Variants in PRDM16 observed in about 807,000 individuals in gnomAD.
The protein encoded by PRDM16 is PR/SET domain 16.
In PRDM16, 23 loss-of-function variants were observed where a neutral mutation model predicts 110.6. The ratio of observed to expected loss-of-function variants is 0.21; its 90% CI spans 0.15 to 0.29. The LOEUF is 0.29. Among genes scored for constraint, PRDM16 ranks in the 10% least tolerant of loss-of-function variants. The pLI is 1.00. For synonymous variants in PRDM16, 799 were observed against 781.8 expected, an observed-to-expected ratio of 1.02 and a Z score of -0.37; for missense variants, 1,615 against 1,794.3, an observed-to-expected ratio of 0.90 and a Z score of 1.81.
At chr1:3,133,423 A>G (rs1174030310) in intron 1 of PRDM16, 1 of 152,462 alleles carries the variant, frequency 6.6e-6, no homozygotes, top group Non-Finnish European at 1.5e-5. Flanking sequence ...CGGCCTCCCG[A>G]AGCCACAGCC....
At chr1:3,409,183 G>A (rs1426273504) in intron 8 of PRDM16, among the ~76,000 whole-genome samples, 1 of 151,400 alleles carries the variant, frequency 6.6e-6, no homozygotes, top group Non-Finnish European at 1.5e-5. Context: ...GTGAGTTGGT[G>A]CGTGTGTGTG....
intron 2 of PRDM16, among the ~76,000 whole-genome samples, chr1:3,238,705 T>C (rs1205640782): frequency 6.6e-6 from 1 of 152,160 alleles, no homozygotes; most frequent in African/African-American, 2.4e-5. Flanking sequence ...CGGAGGGAGC[T>C]TGGCCGTGGA....
At chr1:3,188,571 A>T (rs1343181829) in intron 2 of PRDM16, among the ~76,000 whole-genome samples, 1 of 152,134 alleles carries the variant, frequency 6.6e-6, no homozygotes, top group Non-Finnish European at 1.5e-5. Flanking sequence ...CACCTGACAG[A>T]TACCCCTCCT....
intron 2 of PRDM16, among the ~76,000 whole-genome samples, chr1:3,219,469 C>T (rs538975397): frequency 3.9e-5 from 6 of 152,146 alleles, no homozygotes; most frequent in Admixed American, 2.0e-4. Flanking sequence ...GGAGCTGGGG[C>T]GGGGGAAGGG....
chr1:3,367,482 A>G (rs866998109), intron 3 of PRDM16, among the ~76,000 whole-genome samples: 65 of 152,206 alleles, frequency 4.3e-4, no homozygotes, highest in South Asian at 4.1e-4. Context: ...CCTAGATGCT[A>G]CCTTTCAGCT....
chr1:3,167,006 C>T (rs1253348380), intron 1 of PRDM16, among the ~76,000 whole-genome samples: 5 of 152,216 alleles, frequency 3.3e-5, no homozygotes, highest in African/African-American at 1.2e-4. Context: ...GCTGAACACG[C>T]ACCCTCCAAC....
At chr1:3,386,021 G>T (rs1289108146) in intron 4 of PRDM16, among the ~76,000 whole-genome samples, 12 of 152,210 alleles carry the variant, frequency 7.9e-5, no homozygotes, top group Admixed American at 7.8e-4. Context: ...CCCAGAGCTG[G>T]TCGCTGCTTC....
At chr1:3,363,523 G>A (rs553772680) in intron 3 of PRDM16, among the ~76,000 whole-genome samples, 36 of 152,244 alleles carry the variant, frequency 2.4e-4, no homozygotes, top group African/African-American at 7.9e-4. Flanking sequence ...TCCTGCATTC[G>A]GGCAGTTTGA....
At chr1:3,203,061 G>A (rs187427454) in intron 2 of PRDM16, among the ~76,000 whole-genome samples, 161 of 152,274 alleles carry the variant, frequency 1.1e-3, no homozygotes, top group Non-Finnish European at 1.9e-3. Context: ...CTTCATCCCC[G>A]ATGAATTTGC....
chr1:3,189,272 C>G (rs988991267), intron 2 of PRDM16, among the ~76,000 whole-genome samples: 1 of 152,246 alleles, frequency 6.6e-6, no homozygotes, highest in African/African-American at 2.4e-5. Context: ...GCTAGCCCTT[C>G]TCCTCCATGC....
At chr1:3,187,936 C>T (rs1031504971) in intron 2 of PRDM16, among the ~76,000 whole-genome samples, 2 of 152,150 alleles carry the variant, frequency 1.3e-5, no homozygotes, top group Non-Finnish European at 2.9e-5. Context: ...GTGGAACGGG[C>T]GTACCCCCCC....
chr1:3,357,045 C>G (rs985767660), intron 3 of PRDM16, among the ~76,000 whole-genome samples: 2 of 152,194 alleles, frequency 1.3e-5, no homozygotes, highest in Non-Finnish European at 2.9e-5. Context: ...ACTGAGGACC[C>G]TGAAAGTTGC....
At chr1:3,099,277 C>T (rs543809598) in intron 1 of PRDM16, among the ~76,000 whole-genome samples, 74 of 152,362 alleles carry the variant, frequency 4.9e-4, no homozygotes, top group African/African-American at 1.6e-3. Context: ...TGAGGGACCC[C>T]GAATGAGTCC....
At chr1:3,232,861 G>A (rs1639448633) in intron 2 of PRDM16, among the ~76,000 whole-genome samples, 2 of 152,160 alleles carry the variant, frequency 1.3e-5, no homozygotes, top group African/African-American at 4.8e-5. Context: ...CCTGGGTCTT[G>A]GGGCTTTCAA....
chr1:3,136,276 C>T (rs1050496780), intron 1 of PRDM16, among the ~76,000 whole-genome samples: 5 of 152,210 alleles, frequency 3.3e-5, no homozygotes, highest in African/African-American at 7.2e-5. Flanking sequence ...CAGCCCCGCG[C>T]GATGCTCCGG....
At chr1:3,126,550 T>C (rs999696221) in intron 1 of PRDM16, among the ~76,000 whole-genome samples, 6 of 152,120 alleles carry the variant, frequency 3.9e-5, no homozygotes, top group Non-Finnish European at 5.9e-5. Flanking sequence ...AGATGAGCTT[T>C]GAAAACCCAG....
chr1:3,101,522 G>A lies in PRDM16; in HGVS notation c.37+32226G>A, dbSNP rs742040. ...GGGAGCGGCGGCCATCGGGGAAGGG[G>A]ACACGGGGCCTGGAGAGGCCACAGA... On this transcript the variant is annotated intron_variant, in intron 1 of 16. Transcript: ENST00000270722. 7.5e-3 allele frequency among the ~76,000 whole-genome samples: 1,142 copies of A among 152,324 alleles called. 24 individuals are homozygous for A. In the East Asian group the frequency reaches 0.076, roughly 10 times the overall value.
At chr1:3,098,809 T>C (rs894793155) in intron 1 of PRDM16, among the ~76,000 whole-genome samples, 46 of 152,332 alleles carry the variant, frequency 3.0e-4, no homozygotes, top group African/African-American at 1.0e-3. Flanking sequence ...GGCTGCCTCC[T>C]TGGGCTCCTG....
chr1:3,182,697 C>A (rs1202936884), intron 1 of PRDM16, among the ~76,000 whole-genome samples: 1 of 152,234 alleles, frequency 6.6e-6, no homozygotes, highest in Admixed American at 6.5e-5. Context: ...GGGGCAGCAG[C>A]AGGGTTTCTT....
Sources: allele counts gnomAD v4.1 joint callset (sites outside exome capture counted in the v4.1 genomes callset), GRCh38; gene constraint gnomAD v4.1.1; transcripts MANE v1.5; gene names NCBI Gene and HGNC (gene_info 2026-07-23, HGNC 2026-07-21).